JAK1: variants seen among roughly 807,000 people sequenced by gnomAD.
The protein encoded by JAK1 is tyrosine-protein kinase JAK1.
In JAK1, 16 loss-of-function variants were observed where a neutral mutation model predicts 136.6. That is an observed-to-expected ratio of 0.12 (90% CI 0.08 to 0.18). The LOEUF is 0.18. Among genes scored for constraint, JAK1 ranks in the 10% least tolerant of loss-of-function variants. The probability of loss-of-function intolerance (pLI) is 1.00; values close to 1 mark genes in which losing one functional copy is unlikely to be tolerated. For missense variants in JAK1, 859 were observed against 1,450.1 expected (o/e 0.59, Z 6.62); for synonymous variants, 492 against 519.5 (o/e 0.95, Z 0.72).
chr1:64,872,280 G>A (rs1570678746), intron 5 of JAK1, among the ~76,000 whole-genome samples: 1 of 152,160 alleles, frequency 6.6e-6, no homozygotes, highest in Admixed American at 6.5e-5. Flanking sequence ...AATCATCTGG[G>A]CCAAAAGGTC....
intron 1 of JAK1, among the ~76,000 whole-genome samples, chr1:65,051,828 G>A (rs1029083670): frequency 1.3e-5 from 2 of 152,080 alleles, no homozygotes; most frequent in Non-Finnish European, 1.5e-5. Flanking sequence ...ACAAAGCAAC[G>A]TATAATCAGC....
intron 2 of JAK1, among the ~76,000 whole-genome samples, chr1:65,013,711 A>G (rs768350465): frequency 2.6e-5 from 4 of 152,216 alleles, no homozygotes; most frequent in African/African-American, 4.8e-5. Context: ...CTGGGCCTCA[A>G]TGTATTTACA....
intron 1 of JAK1, among the ~76,000 whole-genome samples, chr1:64,960,978 T>C (rs1296913401): frequency 6.6e-6 from 1 of 152,172 alleles, no homozygotes; most frequent in East Asian, 1.9e-4. Context: ...CCCAGATTGT[T>C]TCACTTTTGA....
chr1:64,841,402 C>T (rs745485052), intron 18 of JAK1, 49 bp downstream of exon 18: 1 of 1,613,080 alleles, frequency 6.2e-7, no homozygotes, highest in African/African-American at 1.3e-5. Flanking sequence ...GCCACCCAGG[C>T]TCCTGTTTCT....
At chr1:64,843,486 TCA>T (rs1339090033) in intron 17 of JAK1, among the ~76,000 whole-genome samples, 2 of 152,204 alleles carry the variant, frequency 1.3e-5, no homozygotes, top group Non-Finnish European at 2.9e-5. Context: ...TACCTGAGTC[TCA>T]GTTACCTGAT....
At chr1:65,058,341 G>A in intron 1 of JAK1, 1 of 529,532 alleles carries the variant, frequency 1.9e-6, no homozygotes, top group South Asian at 1.4e-5. Context: ...AGGGTAAGAG[G>A]GTTTCTGGGT....
chr1:65,058,716 C>G lies in JAK1; in HGVS notation c.-181+8888G>C, dbSNP rs186346623. Among the ~76,000 whole-genome samples, 7 of 152,270 alleles carry G rather than the reference C, an allele frequency of 4.6e-5. No homozygotes were observed. The East Asian group carries it at 1.3e-3, about 29-fold the overall frequency. ...GAATTAAATTAGAATGAAAGATGAA[C>G]ACATGACTTATCCATATTAATGAGG... On this transcript the variant is annotated intron_variant, in intron 1 of 25. Transcript: ENST00000671954.
rs201562675 is a variant in JAK1, at chr1:64,844,788, G to T, written c.2217C>A (p.Asp739Glu). The change falls in exon 16 of 25, where the codon GAC becomes GAA. Residue 739 changes from aspartate to glutamate, a missense_variant. This residue lies in a region of JAK1 where 409 missense variants were observed against 753.8 expected (regional missense o/e 0.54). Transcript: ENST00000342505. This position sits in a 1 kb window ranked among gnomAD's most constrained non-coding sequence, Gnocchi z 5.7. ...ACAGCACCGTAATGGGGATGCCGGG[G>T]TCACTGAGCTTGATGAATGGGCCAC... ...SECGPFIKLS[D>E]PGIPITVLSR... 16 of 1,614,216 alleles carry T rather than the reference G, an allele frequency of 9.9e-6. No homozygotes were observed. The highest frequency in any genetic ancestry group is 1.3e-5 in the African/African-American group (1 of 75,062).
intron 2 of JAK1, among the ~76,000 whole-genome samples, chr1:64,996,201 T>C (rs1646702601): frequency 6.6e-6 from 1 of 152,184 alleles, no homozygotes; most frequent in African/African-American, 2.4e-5. Flanking sequence ...TCAACTCCTA[T>C]CACATCATCT....
chr1:64,950,229 G>A (rs1646059305), intron 1 of JAK1, among the ~76,000 whole-genome samples: 1 of 152,090 alleles, frequency 6.6e-6, no homozygotes, highest in African/African-American at 2.4e-5. Flanking sequence ...CCAACATGGT[G>A]AAACCCCGTC....
chr1:64,966,165 C>A lies in JAK1; in HGVS notation c.-78+168G>T, dbSNP rs536552909. On this transcript the variant is annotated intron_variant, in intron 1 of 24. Coordinates refer to ENST00000342505, the MANE Select transcript of JAK1 (RefSeq NM_002227.4). ...CCGCGGGGCTGGAAATCCCCGCCTT[C>A]CCCGCCCGAGCCGCGGGGTCCTGAG... Among the ~76,000 whole-genome samples the A allele has an allele frequency of 4.1e-4, 62 of 151,990 alleles. No individual in the cohort carries two copies. The East Asian group carries it at 0.011, about 27-fold the overall frequency.
At chr1:65,001,991 A>G (rs1646762715) in intron 2 of JAK1, among the ~76,000 whole-genome samples, 1 of 151,856 alleles carries the variant, frequency 6.6e-6, no homozygotes, top group African/African-American at 2.4e-5. Context: ...AATGGCATAT[A>G]TCAGGCGTCC....
chr1:64,933,823 T>C (rs1170677575), intron 1 of JAK1, among the ~76,000 whole-genome samples: 1 of 152,252 alleles, frequency 6.6e-6, no homozygotes, highest in Non-Finnish European at 1.5e-5. Context: ...GTTTTTGCTT[T>C]CAAAGAATCC....
Position 64,848,045 on chromosome 1 carries a change from G to T in JAK1, c.1756-370C>A, listed in dbSNP as rs556712829. Reference sequence around the variant, plus strand: ...CCTCCAGAGAAGACTCAAGAGAGGAGCCCCCAGGCAGCTCCTCTACTCACA... The same window carrying T: ...CCTCCAGAGAAGACTCAAGAGAGGATCCCCCAGGCAGCTCCTCTACTCACA... On this transcript the variant is annotated intron_variant, in intron 12 of 24. Transcript: ENST00000342505. 2.2e-3 allele frequency: 425 copies of T among 191,132 alleles called. 6 individuals carry two copies. Among genetic ancestry groups the T allele is most frequent in the South Asian group, 0.02 (136 of 6,884 alleles). 11.8% of individuals were successfully genotyped at this position (191,132 alleles called of 1,614,324 possible). A position where few individuals can be genotyped will look rare whatever the true frequency, so the allele number is the denominator to read the frequency against.
rs952350452 is a variant in JAK1, at chr1:64,982,090, ACACACACACACG to A, written c.-78+62378_-78+62389del. On this transcript the variant is annotated intron_variant, in intron 2 of 25. Transcript: ENST00000671954. ...GTCAACACTAAGTTAAATAACACAC[ACACACACACACG>A]CACACACACACGCACACACACGCAC... Among the ~76,000 whole-genome samples the A allele has an allele frequency of 8.0e-5, 12 of 150,398 alleles. No homozygotes were observed. In the South Asian group the frequency reaches 8.4e-4, roughly 11 times the overall value.
Position 64,857,557 on chromosome 1 carries a change from C to T in JAK1, c.1458+99G>A. ...CAGAGACCCAGGCTTTTCAGTTCCA[C>T]CCTGCCAAGGGTGGTTCTGTCTGCA... On this transcript the variant is annotated intron_variant, in intron 10 of 24. Transcript: ENST00000342505. 2.7e-6 allele frequency: 4 copies of T among 1,497,648 alleles called. No individual in the cohort carries two copies. In the East Asian group the frequency reaches 6.8e-5, roughly 26 times the overall value. The allele number at this position is 1,497,648 out of a possible 1,614,324, so 92.8% of individuals were successfully genotyped here.
chr1:64,999,913 T>C lies in JAK1; in HGVS notation c.-78+44567A>G, dbSNP rs547130088. Among the ~76,000 whole-genome samples, 30 of 152,130 alleles carry C rather than the reference T, an allele frequency of 2.0e-4. 1 individual carries two copies. Among genetic ancestry groups the C allele is most frequent in the African/African-American group, 6.3e-4 (26 of 41,506 alleles). On this transcript the variant is annotated intron_variant, in intron 2 of 25. Transcript: ENST00000671954. ...ATATTCTGGCATGTCTGGCATGTGATGGGCACTCAAGCAATTTTTGGTAAA... is the reference window on the plus strand; with the variant it reads ...ATATTCTGGCATGTCTGGCATGTGACGGGCACTCAAGCAATTTTTGGTAAA...
chr1:64,988,802 T>A (rs1646623967), intron 2 of JAK1, among the ~76,000 whole-genome samples: 1 of 151,728 alleles, frequency 6.6e-6, no homozygotes, highest in African/African-American at 2.4e-5. Context: ...AGTGGGAGGA[T>A]CATTTGAGCC....
At chr1:64,913,702 AAGAAG>A (rs1645336199) in intron 1 of JAK1, among the ~76,000 whole-genome samples, 15 of 26,152 alleles carry the variant, frequency 5.7e-4, no homozygotes, top group African/African-American at 6.6e-4. Flanking sequence ...GAAGGAAGGA[AAGAAG>A]GGAGGGAGGG....
Sources: allele counts gnomAD v4.1 joint callset (sites outside exome capture counted in the v4.1 genomes callset), GRCh38; gene constraint gnomAD v4.1.1; regional missense constraint gnomAD v4.1.1; non-coding constraint Gnocchi (gnomAD v3.1); transcripts MANE v1.5; gene names NCBI Gene and HGNC (gene_info 2026-07-23, HGNC 2026-07-21).